PLCB1: variants seen among roughly 807,000 people sequenced by gnomAD.
PLCB1 encodes phospholipase C beta 1, also known as 1-phosphatidylinositol 4,5-bisphosphate phosphodiesterase beta-1.
In PLCB1, 46 loss-of-function variants were observed where a neutral mutation model predicts 161.8. That is an observed-to-expected ratio of 0.28 (90% CI 0.22 to 0.36). The LOEUF is 0.36. Ranked by LOEUF, PLCB1 falls within the 10% of genes least tolerant of loss-of-function variation. The pLI, the probability that PLCB1 is intolerant of heterozygous loss-of-function variation, is 1.00. For synonymous variants in PLCB1, 517 were observed against 503.7 expected (o/e 1.03, Z -0.35); for missense variants, 1,016 against 1,472.5 (o/e 0.69, Z 5.07).
intron 31 of PLCB1, among the ~76,000 whole-genome samples, chr20:8,831,918 CTTTCTTTCTTTCTT>C (rs1986011845): frequency 4.1e-5 from 1 of 24,362 alleles, no homozygotes; most frequent in Non-Finnish European, 1.0e-4. Context: ...CTTTCTCTTT[CTTTCTTTCTTTCTT>C]TCTTTCTTTC....
intron 3 of PLCB1, among the ~76,000 whole-genome samples, chr20:8,539,322 A>T (rs1468711973): frequency 6.6e-6 from 1 of 152,232 alleles, no homozygotes; most frequent in Non-Finnish European, 1.5e-5. Context: ...AAAATAATTT[A>T]AAACCATTTG....
At chr20:8,845,085 A>G (rs1285718971) in intron 31 of PLCB1, among the ~76,000 whole-genome samples, 1 of 152,082 alleles carries the variant, frequency 6.6e-6, no homozygotes, top group Admixed American at 6.6e-5. Context: ...CTGCACTCCA[A>G]CCTGGGCAAT....
chr20:8,232,255 A>G (rs1005825216), intron 2 of PLCB1, among the ~76,000 whole-genome samples: 1 of 151,898 alleles, frequency 6.6e-6, no homozygotes, highest in East Asian at 1.9e-4. Flanking sequence ...GAGAGAAAAG[A>G]TCATGCTTTC....
chr20:8,830,323 A>C (rs1416794725), intron 31 of PLCB1, among the ~76,000 whole-genome samples: 1 of 152,250 alleles, frequency 6.6e-6, no homozygotes, highest in Non-Finnish European at 1.5e-5. Context: ...CATTGCAAGA[A>C]GCATCAAGGG....
intron 31 of PLCB1, among the ~76,000 whole-genome samples, chr20:8,833,667 G>A (rs1449538367): frequency 6.6e-6 from 1 of 152,190 alleles, no homozygotes; most frequent in East Asian, 1.9e-4. Flanking sequence ...CCCCAAAGGA[G>A]TGTGGCCCTG....
At chr20:8,856,681 T>C (rs1987080085) in intron 31 of PLCB1, among the ~76,000 whole-genome samples, 1 of 152,196 alleles carries the variant, frequency 6.6e-6, no homozygotes, top group Non-Finnish European at 1.5e-5. Context: ...TCAGTGTATA[T>C]GAAGAGTTAG....
intron 24 of PLCB1, among the ~76,000 whole-genome samples, chr20:8,758,933 T>C (rs759465322): frequency 1.6e-4 from 24 of 152,332 alleles, no homozygotes; most frequent in Admixed American, 1.1e-3. Flanking sequence ...GAAAGTAACA[T>C]TGGCATGATA....
Position 8,805,852 on chromosome 20 carries a change from G to A in PLCB1, c.3423+15591G>A, listed in dbSNP as rs942835270. Reference sequence around the variant, plus strand: ...TGACATGGATAAACAAGCAATAAGGGTACAACACCTGTGCCTCAATATACT... The same window carrying A: ...TGACATGGATAAACAAGCAATAAGGATACAACACCTGTGCCTCAATATACT... On this transcript the variant is annotated intron_variant, in intron 31 of 31. Transcript: ENST00000338037. Among the ~76,000 whole-genome samples the A allele has an allele frequency of 4.6e-5, 7 of 152,242 alleles. No homozygotes were observed. The East Asian group carries it at 1.4e-3, about 29-fold the overall frequency.
intron 2 of PLCB1, among the ~76,000 whole-genome samples, chr20:8,346,764 T>G (rs1986011050): frequency 6.6e-6 from 1 of 152,218 alleles, no homozygotes; most frequent in Non-Finnish European, 1.5e-5. Context: ...ATTCAACAGT[T>G]GCTTTTGGAA....
chr20:8,262,542 T>G (rs1250913456), intron 2 of PLCB1, among the ~76,000 whole-genome samples: 2 of 152,106 alleles, frequency 1.3e-5, no homozygotes, highest in Non-Finnish European at 2.9e-5. Context: ...TCAGCAGAAT[T>G]TAGAATTGCC....
At chr20:8,409,614 C>A (rs998358114) in intron 3 of PLCB1, among the ~76,000 whole-genome samples, 3 of 151,942 alleles carry the variant, frequency 2.0e-5, no homozygotes, top group Non-Finnish European at 2.9e-5. Flanking sequence ...AGGCGCCCAC[C>A]ACCACGCCTG....
At chr20:8,563,480 C>T (rs943557871) in intron 3 of PLCB1, among the ~76,000 whole-genome samples, 7 of 151,868 alleles carry the variant, frequency 4.6e-5, no homozygotes, top group Admixed American at 2.0e-4. Flanking sequence ...CTGGCTGATG[C>T]GGTTCAGAGA....
intron 23 of PLCB1, among the ~76,000 whole-genome samples, chr20:8,748,832 G>A (rs909974750): frequency 6.6e-6 from 1 of 152,158 alleles, no homozygotes; most frequent in African/African-American, 2.4e-5. Flanking sequence ...GCCACAGGGG[G>A]ACAAAGCGGG....
At chr20:8,519,196 G>A (rs998024804) in intron 3 of PLCB1, among the ~76,000 whole-genome samples, 8 of 152,092 alleles carry the variant, frequency 5.3e-5, no homozygotes, top group Middle Eastern at 3.4e-3. Context: ...GAAATGAAGC[G>A]AAAACAGACA....
At position 8,774,636 on chromosome 20, in the gene PLCB1, G is replaced by A; in HGVS notation, c.3028G>A (p.Asp1010Asn). The change falls in exon 27 of 32, where the codon GAC becomes AAC. Residue 1010 changes from aspartate to asparagine, a missense_variant. Around this residue, in one of 10 missense-constraint regions of PLCB1, gnomAD observed 398 missense variants for 445.4 expected, o/e 0.89. Coordinates refer to ENST00000338037, the MANE Select transcript of PLCB1 (RefSeq NM_015192.4). ...GACCCAAAAGTTAATAGACTTGAAG[G>A]ACAAACAACAGCAGCAGCTGCTTAA... ...EMTQKLIDLK[D>N]KQQQQLLNLR... 1 of 1,613,936 alleles carries A rather than the reference G, an allele frequency of 6.2e-7. No individual in the cohort carries two copies. The highest frequency in any genetic ancestry group is 8.5e-7 in the Non-Finnish European group (1 of 1,179,866).
rs369551012 is a variant in PLCB1, at chr20:8,151,368, C to T, written c.177+997C>T. ...TTGCCTTCTGTCTCTGAGGCAAGCT[C>T]AATTATACCTGTGTCTGGTCCCAGG... On this transcript the variant is annotated intron_variant, in intron 2 of 31. Transcript: ENST00000338037. Among the ~76,000 whole-genome samples the T allele has an allele frequency of 2.0e-5, 3 of 152,210 alleles. No homozygotes were observed. In the East Asian group the frequency reaches 5.8e-4, roughly 29 times the overall value.
chr20:8,241,314 C>G (rs1446080920), intron 2 of PLCB1, among the ~76,000 whole-genome samples: 4 of 151,940 alleles, frequency 2.6e-5, no homozygotes, highest in Non-Finnish European at 5.9e-5. Flanking sequence ...ATCCTAATGT[C>G]ATGTTGGGTC....
At chr20:8,652,364 C>T (rs1989344406) in intron 7 of PLCB1, 1 of 152,036 alleles carries the variant, frequency 6.6e-6, no homozygotes, top group African/African-American at 2.4e-5. Context: ...ACTTGGATGA[C>T]TTATAGAATT....
chr20:8,591,536 G>T (rs1411890753), intron 3 of PLCB1, among the ~76,000 whole-genome samples: 1 of 152,174 alleles, frequency 6.6e-6, no homozygotes, highest in Admixed American at 6.6e-5. Context: ...TTTAAATTCA[G>T]TATAAATTCA....
Sources: allele counts gnomAD v4.1 joint callset (sites outside exome capture counted in the v4.1 genomes callset), GRCh38; gene constraint gnomAD v4.1.1; regional missense constraint gnomAD v4.1.1; transcripts MANE v1.5; gene names NCBI Gene and HGNC (gene_info 2026-07-23, HGNC 2026-07-21).